The following CPLANE1 variants were observed in gnomAD, a reference collection of about 807,000 sequenced individuals.
The protein encoded by CPLANE1 is ciliogenesis and planar polarity effector 1.
A neutral mutation model predicts 362.5 loss-of-function variants in CPLANE1; 263 were observed. That is an observed-to-expected ratio of 0.73 (90% confidence interval 0.66 to 0.80). The LOEUF is 0.80. Ranked by LOEUF, CPLANE1 falls within the 30% of genes least tolerant of loss-of-function variation. The pLI is 0.00. For missense variants in CPLANE1, 3,461 were observed against 3,793.4 expected (o/e 0.91, Z 2.30); for synonymous variants, 1,212 against 1,302.6 (o/e 0.93, Z 1.50).
the CPLANE1 span, chr5:37,085,445 G>A: frequency 1.1e-6 from 1 of 888,752 alleles, no homozygotes; most frequent in South Asian, 1.3e-5. Context: ...AAATCTTTGT[G>A]GGCACAAAAG....
intron 16 of CPLANE1, chr5:37,210,501 G>A (rs1457635292): frequency 9.1e-6 from 12 of 1,312,700 alleles, no homozygotes; most frequent in Admixed American, 3.6e-5. Flanking sequence ...AGAAAAAGCT[G>A]TTCATTTGCA....
In CPLANE1 at chr5:37,178,051, T is replaced by C. The variant is rs75104047; in HGVS notation, c.5821-351A>G. ...GAAAAATGAATCTTTTTTGAAAGAA[T>C]TGTTACAAGGCAGGCAGATCTACTT... On this transcript the variant is annotated intron_variant, in intron 29 of 52. Coordinates refer to ENST00000651892, the MANE Select transcript of CPLANE1 (RefSeq NM_001384732.1). Among the ~76,000 whole-genome samples the C allele has an allele frequency of 5.7e-3, 866 of 152,232 alleles. 11 individuals are homozygous for C. Among genetic ancestry groups the C allele is most frequent in the African/African-American group, 0.02 (813 of 41,552 alleles).
At chr5:37,108,161 A>C in intron 52 of CPLANE1, 132 bp downstream of exon 52, 1 of 840,620 alleles carries the variant, frequency 1.2e-6, no homozygotes, top group South Asian at 1.7e-5. Context: ...CACGATTTCA[A>C]ACTGACCTAA....
intron 3 of CPLANE1, 50 bp downstream of exon 3, chr5:37,245,655 CTAAGT>C: frequency 6.8e-7 from 1 of 1,479,710 alleles, no homozygotes; most frequent in Non-Finnish European, 9.0e-7. Flanking sequence ...TAACATCACC[CTAAGT>C]TATTAAAAAA....
At position 37,183,162 on chromosome 5, in the gene CPLANE1, T is replaced by G. The variant is rs150049016; in HGVS notation, c.5019A>C (p.Gly1673=). 3 of 1,612,492 alleles carry G rather than the reference T, an allele frequency of 1.9e-6. No homozygotes were observed. In the African/African-American group the frequency reaches 4.0e-5, roughly 22 times the overall value. ...YPSNEVNKNE[G]MSGLFGLKQR... ...GTTTTAAACCAAATAATCCACTCAT[T>G]CCTTCATTCTTATTGACTTCATTCG... The change falls in exon 26 of 53, where the codon GGA becomes GGC. Residue 1673 remains glycine, a synonymous_variant. Coordinates refer to ENST00000651892, the MANE Select transcript of CPLANE1 (RefSeq NM_001384732.1).
At chr5:37,180,649 C>T (rs1386826310) in intron 27 of CPLANE1, among the ~76,000 whole-genome samples, 1 of 152,114 alleles carries the variant, frequency 6.6e-6, no homozygotes, top group Non-Finnish European at 1.5e-5. Context: ...GAATTAATTG[C>T]TCTCTCAGAA....
At chr5:37,211,956 C>A (rs1792734651) in intron 16 of CPLANE1, 7 of 849,362 alleles carry the variant, frequency 8.2e-6, no homozygotes, top group Non-Finnish European at 1.5e-5. Flanking sequence ...CCTCTCATAT[C>A]AGCACCCAAG....
intron 16 of CPLANE1, chr5:37,211,311 A>G: frequency 6.6e-7 from 1 of 1,515,406 alleles, no homozygotes; most frequent in South Asian, 1.3e-5. Flanking sequence ...AAAGGCTTTC[A>G]GAAGTTACCA....
At chr5:37,138,523 C>G in intron 46 of CPLANE1, 197 bp downstream of exon 46, 1 of 710,306 alleles carries the variant, frequency 1.4e-6, no homozygotes, top group African/African-American at 1.7e-5. Flanking sequence ...TGGGAAAACC[C>G]ACAGGATACA....
intron 50 of CPLANE1, among the ~76,000 whole-genome samples, chr5:37,115,432 A>G (rs1760641798): frequency 6.6e-6 from 1 of 152,152 alleles, no homozygotes; most frequent in African/African-American, 2.4e-5. Flanking sequence ...AAACTCAAAG[A>G]TTAATAACAA....
In CPLANE1 at chr5:37,182,899, T is replaced by G; in HGVS notation, c.5282A>C (p.Asp1761Ala). Reference sequence around the variant, plus strand: ...AGAGGATGACTCAGTTATACCAGAATCACAGAGTAGCCTTCTATTAGACCA... The same window carrying G: ...AGAGGATGACTCAGTTATACCAGAAGCACAGAGTAGCCTTCTATTAGACCA... ...IRWSNRRLLC[D>A]SGITESSSEY... is the part of the protein sequence containing the mutation. Residue 1761 changes from aspartate to alanine, a missense_variant, in exon 26 of 53, where the codon GAT becomes GCT. By Grantham distance (126) the Asp-to-Ala change is moderately radical (BLOSUM62 -2). This residue lies in a region of CPLANE1 where 3,380 missense variants were observed against 3,666.1 expected (regional missense o/e 0.92). Coordinates refer to ENST00000651892, the MANE Select transcript of CPLANE1 (RefSeq NM_001384732.1). 1 of 1,607,574 alleles carries G rather than the reference T, an allele frequency of 6.2e-7. No individual in the cohort carries two copies. Among genetic ancestry groups the G allele is most frequent in the Non-Finnish European group, 8.5e-7 (1 of 1,178,024 alleles).
In CPLANE1 at chr5:37,201,782, G is replaced by A. The variant is rs750786707; in HGVS notation, c.3316C>T (p.Leu1106=). 1 of 1,612,460 alleles carries A rather than the reference G, an allele frequency of 6.2e-7. No individual in the cohort carries two copies. Among genetic ancestry groups the A allele is most frequent in the African/African-American group, 1.3e-5 (1 of 74,988 alleles). ...ACTTCTTGTACTGAACCAAATAGCA[G>A]ATTTGCATCTTCCTCTTCAATGGGA... ...TDPIEEEDAN[L]LFGSVQEVLK... The change falls in exon 19 of 53, where the codon CTG becomes TTG. Residue 1106 remains leucine (L), a synonymous_variant. Transcript: ENST00000651892.
chr5:37,170,858 C>G (rs919101720), intron 32 of CPLANE1, among the ~76,000 whole-genome samples: 2 of 152,156 alleles, frequency 1.3e-5, no homozygotes, highest in African/African-American at 4.8e-5. Flanking sequence ...ATCGCTTGAA[C>G]CAGGGAGGCG....
rs946304930 is a variant in CPLANE1 at position 37,247,759 on chromosome 5, T to C, written c.-47-14A>G. 14 of 1,466,728 alleles carry C rather than the reference T, an allele frequency of 9.5e-6. No individual in the cohort carries two copies. The highest frequency in any genetic ancestry group is 2.6e-5 in the Admixed American group (1 of 38,278). 90.9% of individuals were successfully genotyped at this position (1,466,728 alleles called of 1,614,324 possible). A position where few individuals can be genotyped will look rare whatever the true frequency, so the allele number is the denominator to read the frequency against. On this transcript the variant is annotated splice_polypyrimidine_tract_variant and intron_variant, in intron 1 of 52. Coordinates refer to ENST00000651892, the MANE Select transcript of CPLANE1 (RefSeq NM_001384732.1). ...AGTCCCAAGATTCTGTAAACAATAA[T>C]AGTAATAAAATATAAATGATGCATA...
At chr5:37,171,745 A>ACTCTCTCTCTCT (rs56407367) in intron 32 of CPLANE1, among the ~76,000 whole-genome samples, 32 of 128,426 alleles carry the variant, frequency 2.5e-4, no homozygotes, top group Non-Finnish European at 3.9e-4. Context: ...TCTCTAGCTT[A>ACTCTCTCTCTCT]CTCTCTCTCT....
At position 37,184,862 on chromosome 5, in the gene CPLANE1, C is replaced by A. The variant is rs762430333; in HGVS notation, c.4407G>T (p.Val1469=). The A allele has an allele frequency of 3.1e-6, 5 of 1,614,080 alleles. No homozygotes were observed. In the East Asian group the frequency reaches 8.9e-5, roughly 29 times the overall value. The change falls in exon 25 of 53, where the codon GTG becomes GTT. Residue 1469 remains valine, a synonymous_variant. Transcript: ENST00000651892. ...RSTLTELGDS[V]VHSDADTFSE... ...AGAACGTATCTGCATCACTGTGAAC[C>A]ACAGAATCTCCTAGTTCTGTGAGTG...
chr5:37,187,120 GAACTTATTCATCTTGT>G (rs1294571849), intron 23 of CPLANE1, among the ~76,000 whole-genome samples: 2 of 135,706 alleles, frequency 1.5e-5, no homozygotes, highest in Admixed American at 7.4e-5. Flanking sequence ...TGGATCCCTA[GAACTTATTCATCTTGT>G]AACTGAAAGG....
intron 16 of CPLANE1, among the ~76,000 whole-genome samples, chr5:37,208,848 T>G (rs921290516): frequency 1.3e-5 from 2 of 152,184 alleles, no homozygotes; most frequent in Non-Finnish European, 2.9e-5. Flanking sequence ...TTTAAATTTC[T>G]GTCTCAACAT....
At position 37,169,531 on chromosome 5, in the gene CPLANE1, G is replaced by C; in HGVS notation, c.6493C>G (p.Gln2165Glu). 1 of 1,612,408 alleles carries C rather than the reference G, an allele frequency of 6.2e-7. No individual in the cohort carries two copies. Among genetic ancestry groups the C allele is most frequent in the Non-Finnish European group, 8.5e-7 (1 of 1,179,186 alleles). ...TTTTTCCGGGGCTGGCCATTTAATTGACATAAAGGAATACTCCCATGTGGA... is the reference window on the plus strand; with the variant it reads ...TTTTTCCGGGGCTGGCCATTTAATTCACATAAAGGAATACTCCCATGTGGA... ...NVPHGSIPLC[Q>E]LNGQPRKKGP... is the part of the protein sequence containing the mutation. The change falls in exon 34 of 53, where the codon CAA (glutamine) becomes GAA (glutamate). Residue 2165 changes from glutamine (Q) to glutamate (E), a missense_variant. Coordinates refer to ENST00000651892, the MANE Select transcript of CPLANE1 (RefSeq NM_001384732.1).
Sources: gnomAD v4.1 joint callset for allele counts (sites outside exome capture counted in the v4.1 genomes callset) on GRCh38, gnomAD v4.1.1 for gene constraint, gnomAD v4.1.1 regional missense constraint, MANE v1.5 for transcripts, NCBI Gene and HGNC (gene_info 2026-07-23, HGNC 2026-07-21) for gene names.